PRKG1: variants seen among roughly 807,000 people sequenced by gnomAD.
PRKG1 encodes the protein cGMP-dependent protein kinase 1.
In PRKG1, 35 loss-of-function variants were observed where a neutral mutation model predicts 88.1. The observed-to-expected ratio is 0.40, with a 90% confidence interval of 0.30 to 0.53. PRKG1 has a LOEUF of 0.53. Among genes scored for constraint, PRKG1 ranks in the 20% least tolerant of loss-of-function variants. The pLI is 0.59. For missense variants in PRKG1, 540 were observed against 839.8 expected, an observed-to-expected ratio of 0.64 and a Z score of 4.41; for synonymous variants, 303 against 292.5, an observed-to-expected ratio of 1.04 and a Z score of -0.37.
intron 3 of PRKG1, among the ~76,000 whole-genome samples, chr10:51,635,583 T>C (rs551574906): frequency 6.6e-6 from 1 of 152,248 alleles, no homozygotes; most frequent in South Asian, 2.1e-4. Flanking sequence ...AAATCAACCA[T>C]TGTGCCAAAT....
At chr10:51,693,820 T>C (rs1020266945) in intron 3 of PRKG1, among the ~76,000 whole-genome samples, 5 of 152,190 alleles carry the variant, frequency 3.3e-5, no homozygotes, top group African/African-American at 4.8e-5. Flanking sequence ...ATTGGTAATA[T>C]GAATATTTGT....
intron 3 of PRKG1, among the ~76,000 whole-genome samples, chr10:51,553,098 C>T (rs1837182726): frequency 3.3e-5 from 5 of 151,586 alleles, no homozygotes; most frequent in Admixed American, 3.3e-4. Context: ...TATTTAGTAC[C>T]TGAATGCATC....
At chr10:52,070,030 T>G (rs1316092591) in intron 7 of PRKG1, among the ~76,000 whole-genome samples, 1 of 152,200 alleles carries the variant, frequency 6.6e-6, no homozygotes, top group Non-Finnish European at 1.5e-5. Flanking sequence ...AATAATATAA[T>G]ATTAAGTGTG....
rs970700270 is a variant in PRKG1 at position 50,991,770 on chromosome 10, G to C, written c.266+126G>C. 2.7e-4 allele frequency: 181 copies of C among 677,338 alleles called. 1 individual carries two copies. The highest frequency in any genetic ancestry group is 2.3e-3 in the African/African-American group (116 of 50,944). 42.0% of individuals were successfully genotyped at this position (677,338 alleles called of 1,614,324 possible). On this transcript the variant is annotated intron_variant, in intron 1 of 17. Coordinates refer to the PRKG1 transcript ENST00000401604. The surrounding 1 kb of genome is among the most constrained non-coding windows in gnomAD (Gnocchi z 4.5). ...CCCTGCTCGCTGCGGCGCGCGGAGT[G>C]GGGGTGGCCCCGCGGCCCGGGAATG...
At chr10:51,364,719 T>A (rs533511477) in intron 2 of PRKG1, among the ~76,000 whole-genome samples, 1 of 152,094 alleles carries the variant, frequency 6.6e-6, no homozygotes, top group Admixed American at 6.6e-5. Flanking sequence ...TTGGTGTAAA[T>A]ATCTGAGAAA....
At chr10:52,285,898 G>GA (rs562308801) in intron 14 of PRKG1, among the ~76,000 whole-genome samples, 107 of 151,360 alleles carry the variant, frequency 7.1e-4, no homozygotes, top group African/African-American at 2.3e-3. Flanking sequence ...AAAATATAAT[G>GA]AAAAAAGAAA....
chr10:51,359,449 T>A (rs1232608973), intron 2 of PRKG1, among the ~76,000 whole-genome samples: 1 of 150,340 alleles, frequency 6.7e-6, no homozygotes, highest in East Asian at 1.9e-4. Flanking sequence ...CAGTCATTTG[T>A]GTGTGTGTGC....
In PRKG1 at chr10:52,064,059, C is replaced by T. The variant is rs551517457; in HGVS notation, c.935+1428C>T. On this transcript the variant is annotated intron_variant, in intron 7 of 17. Transcript: ENST00000373980. Reference sequence around the variant, plus strand: ...GCAGCCTGGCCTCCAGCCTTCAGGCCCTCCCTGGTCTGAAGGTGGGGCCTT... The same window carrying T: ...GCAGCCTGGCCTCCAGCCTTCAGGCTCTCCCTGGTCTGAAGGTGGGGCCTT... 9.9e-5 allele frequency among the ~76,000 whole-genome samples: 15 copies of T among 152,278 alleles called. No individual in the cohort carries two copies. The South Asian group carries it at 2.7e-3, about 27-fold the overall frequency.
intron 3 of PRKG1, among the ~76,000 whole-genome samples, chr10:51,756,611 T>C (rs12268304): frequency 0.41 from 62,200 of 151,598 alleles, 13,359 homozygotes; most frequent in Middle Eastern, 0.55. Context: ...GTCAGGAGAT[T>C]GAGACCATCC....
At chr10:51,881,206 C>T (rs780066538) in intron 4 of PRKG1, among the ~76,000 whole-genome samples, 19 of 152,002 alleles carry the variant, frequency 1.2e-4, no homozygotes, top group Non-Finnish European at 2.4e-4. Context: ...TTAGAGACAT[C>T]AACGGGAAGA....
intron 4 of PRKG1, among the ~76,000 whole-genome samples, chr10:51,891,968 A>G (rs1287778972): frequency 6.6e-6 from 1 of 152,178 alleles, no homozygotes; most frequent in African/African-American, 2.4e-5. Context: ...TTATCAAGCA[A>G]GTTTTCTCAG....
intron 2 of PRKG1, among the ~76,000 whole-genome samples, chr10:51,342,691 A>C (rs549262683): frequency 3.3e-5 from 5 of 152,210 alleles, no homozygotes; most frequent in Non-Finnish European, 5.9e-5. Flanking sequence ...TAAATTATAC[A>C]ATAGACTTAT....
At position 52,257,069 on chromosome 10, in the gene PRKG1, A is replaced by G. The variant is rs1257885792; in HGVS notation, c.1173+5403A>G. 2.2e-5 allele frequency among the ~76,000 whole-genome samples: 3 copies of G among 139,476 alleles called. 1 individual carries two copies. Among genetic ancestry groups the G allele is most frequent in the Non-Finnish European group, 4.9e-5 (3 of 61,724 alleles). The allele number at this position is 139,476 out of a possible 152,430, so 91.5% of individuals were successfully genotyped here. A position where few individuals can be genotyped will look rare whatever the true frequency, so the allele number is the denominator to read the frequency against. Reference sequence around the variant, plus strand: ...CCATGGCACCTCAGTTGGGCATAATAAAGACCTGGCTCTTGGCAAGTTGAA... The same window carrying G: ...CCATGGCACCTCAGTTGGGCATAATGAAGACCTGGCTCTTGGCAAGTTGAA... On this transcript the variant is annotated intron_variant, in intron 10 of 17. Coordinates refer to ENST00000373980, the MANE Select transcript of PRKG1 (RefSeq NM_006258.4).
At chr10:51,333,366 T>C (rs211067) in intron 2 of PRKG1, among the ~76,000 whole-genome samples, 93,336 of 152,142 alleles carry the variant, frequency 0.61, 28,993 homozygotes, top group African/African-American at 0.71. Context: ...TGAATTAACT[T>C]AGTAGTCTCT....
intron 14 of PRKG1, among the ~76,000 whole-genome samples, chr10:52,286,515 G>C (rs956171018): frequency 8.6e-5 from 13 of 151,960 alleles, no homozygotes; most frequent in Non-Finnish European, 1.8e-4. Flanking sequence ...TTAGAACTTA[G>C]ATCAAATAAT....
At chr10:52,066,586 A>T (rs769566645) in intron 7 of PRKG1, among the ~76,000 whole-genome samples, 3 of 152,138 alleles carry the variant, frequency 2.0e-5, no homozygotes, top group Non-Finnish European at 4.4e-5. Context: ...TCGCTTGACC[A>T]TGGGGGGCAG....
chr10:51,008,267 A>G (rs1312676522), intron 1 of PRKG1, among the ~76,000 whole-genome samples: 1 of 152,214 alleles, frequency 6.6e-6, no homozygotes, highest in African/African-American at 2.4e-5. Flanking sequence ...GAAATTTGCT[A>G]TAACTCCTTG....
chr10:51,746,391 C>T (rs1338520284), intron 3 of PRKG1, among the ~76,000 whole-genome samples: 1 of 152,030 alleles, frequency 6.6e-6, no homozygotes, highest in African/African-American at 2.4e-5. Flanking sequence ...TAGAGTTCCT[C>T]CTTGGACTCA....
chr10:51,072,052 C>T (rs569871791), upstream of PRKG1, among the ~76,000 whole-genome samples: 141 of 151,986 alleles, frequency 9.3e-4, 1 homozygote, highest in African/African-American at 3.2e-3. Flanking sequence ...AAAAACTAGC[C>T]GGCGTGGTGG....
Sources: allele counts gnomAD v4.1 joint callset (sites outside exome capture counted in the v4.1 genomes callset), GRCh38; gene constraint gnomAD v4.1.1; non-coding constraint Gnocchi (gnomAD v3.1); transcripts MANE v1.5; gene names NCBI Gene and HGNC (gene_info 2026-07-23, HGNC 2026-07-21).